The following DSCAM variants were observed in gnomAD, a reference collection of about 807,000 sequenced individuals.
The protein encoded by DSCAM is DS cell adhesion molecule, also known as cell adhesion molecule DSCAM.
A neutral mutation model predicts 217.7 loss-of-function variants in DSCAM; 47 were observed. The ratio of observed to expected loss-of-function variants is 0.22; its 90% CI spans 0.17 to 0.28. The LOEUF is 0.28. DSCAM is among the 10% of genes least tolerant of loss of function. The pLI is 1.00. For synonymous variants in DSCAM, 1,056 were observed against 1,015.3 expected, an observed-to-expected ratio of 1.04 and a Z score of -0.76; for missense variants, 2,080 against 2,618.3, an observed-to-expected ratio of 0.79 and a Z score of 4.49.
intron 3 of DSCAM, among the ~76,000 whole-genome samples, chr21:40,431,134 G>A (rs1357751552): frequency 6.6e-6 from 1 of 152,200 alleles, no homozygotes; most frequent in Admixed American, 6.5e-5. Context: ...ATTTAAAAGG[G>A]CTGATGTTAT....
At chr21:40,333,970 G>A (rs1383328420) in intron 8 of DSCAM, among the ~76,000 whole-genome samples, 1 of 152,196 alleles carries the variant, frequency 6.6e-6, no homozygotes, top group Non-Finnish European at 1.5e-5. Flanking sequence ...ATGGATCTGT[G>A]CCAATCTGGG....
chr21:40,096,704 T>TA lies in DSCAM; in HGVS notation c.3697-2831dup, dbSNP rs908132182. ...CAGTGAATTCTAGCCACAAGAATAT[T>TA]AAAAAAAAAAACTGTACCAAGGAGC... On this transcript the variant is annotated intron_variant, in intron 20 of 32. Coordinates refer to ENST00000400454, the MANE Select transcript of DSCAM (RefSeq NM_001389.5). Among the ~76,000 whole-genome samples the TA allele has an allele frequency of 8.8e-3, 1,276 of 145,492 alleles. 17 individuals are homozygous for TA. Among genetic ancestry groups the TA allele is most frequent in the African/African-American group, 0.026 (1,044 of 39,938 alleles).
intron 11 of DSCAM, among the ~76,000 whole-genome samples, chr21:40,213,323 A>T (rs2091203663): frequency 6.6e-6 from 1 of 152,206 alleles, no homozygotes; most frequent in Non-Finnish European, 1.5e-5. Flanking sequence ...TGAGTGAGCC[A>T]TGGGGTGAAG....
At chr21:40,154,914 G>C (rs1417085280) in intron 16 of DSCAM, among the ~76,000 whole-genome samples, 1 of 152,232 alleles carries the variant, frequency 6.6e-6, no homozygotes, top group African/African-American at 2.4e-5. Flanking sequence ...AGGAAAGAGT[G>C]GCCAAGGTAT....
intron 8 of DSCAM, among the ~76,000 whole-genome samples, chr21:40,333,716 A>T (rs948598821): frequency 6.6e-6 from 1 of 152,208 alleles, no homozygotes; most frequent in African/African-American, 2.4e-5. Flanking sequence ...GTAAAGGCTA[A>T]GATTGCGAAT....
intron 3 of DSCAM, among the ~76,000 whole-genome samples, chr21:40,535,924 C>A (rs1055100986): frequency 2.6e-5 from 4 of 152,136 alleles, no homozygotes; most frequent in African/African-American, 9.7e-5. Flanking sequence ...GAAAAAAACA[C>A]CTACTTGGTT....
intron 3 of DSCAM, among the ~76,000 whole-genome samples, chr21:40,528,548 T>C (rs1444262971): frequency 6.6e-6 from 1 of 152,222 alleles, no homozygotes; most frequent in Non-Finnish European, 1.5e-5. Flanking sequence ...AAGAATTTCT[T>C]CTACTTCAAT....
chr21:40,411,952 T>C (rs899643548), intron 3 of DSCAM, among the ~76,000 whole-genome samples: 9 of 152,168 alleles, frequency 5.9e-5, no homozygotes, highest in African/African-American at 2.2e-4. Flanking sequence ...GGGAGTTGTT[T>C]GGGTTATGGA....
chr21:40,374,937 C>T (rs1452707360), intron 3 of DSCAM, among the ~76,000 whole-genome samples: 2 of 152,100 alleles, frequency 1.3e-5, no homozygotes, highest in African/African-American at 4.8e-5. Flanking sequence ...GTGATAGTAG[C>T]CCAAGCTGAC....
chr21:40,101,902 G>C (rs983258116), intron 20 of DSCAM, among the ~76,000 whole-genome samples: 24 of 152,034 alleles, frequency 1.6e-4, no homozygotes, highest in African/African-American at 5.6e-4. Flanking sequence ...TTGGACTATC[G>C]TTCTCTCCTT....
intron 10 of DSCAM, among the ~76,000 whole-genome samples, chr21:40,295,048 T>C (rs2073938837): frequency 6.6e-6 from 1 of 152,186 alleles, no homozygotes; most frequent in Admixed American, 6.5e-5. Flanking sequence ...CCTTTGGTCA[T>C]TGTTGCTTCC....
chr21:40,826,570 C>G (rs978020454), intron 1 of DSCAM, among the ~76,000 whole-genome samples: 1 of 152,132 alleles, frequency 6.6e-6, no homozygotes, highest in African/African-American at 2.4e-5. Context: ...AAAAGGAGAA[C>G]GCAGCTTGAA....
chr21:40,102,221 T>C (rs528296830), intron 20 of DSCAM, among the ~76,000 whole-genome samples: 8 of 152,294 alleles, frequency 5.3e-5, no homozygotes, highest in African/African-American at 1.7e-4. Flanking sequence ...ATTTATAAGA[T>C]GCCTAAAAAA....
In DSCAM at chr21:40,731,799, G is replaced by T. The variant is rs565929667; in HGVS notation, c.44-23028C>A. On this transcript the variant is annotated intron_variant, in intron 1 of 32. Coordinates refer to ENST00000400454, the MANE Select transcript of DSCAM (RefSeq NM_001389.5). ...GCTGGAGTGCAATGGTGCGATCTCAGCTCACTGCAACCTCTGCCTCCCGGG... is the reference window on the plus strand; with the variant it reads ...GCTGGAGTGCAATGGTGCGATCTCATCTCACTGCAACCTCTGCCTCCCGGG... Among the ~76,000 whole-genome samples the T allele has an allele frequency of 6.7e-5, 9 of 134,138 alleles. No homozygotes were observed. In the South Asian group the frequency reaches 2.1e-3, roughly 32 times the overall value. 88.0% of individuals were successfully genotyped at this position (134,138 alleles called of 152,430 possible).
In DSCAM at chr21:40,144,869, C is replaced by A. The variant is rs2090336507; in HGVS notation, c.3019-138G>T. On this transcript the variant is annotated intron_variant, in intron 16 of 32. Coordinates refer to ENST00000400454, the MANE Select transcript of DSCAM (RefSeq NM_001389.5). This position sits in a 1 kb window ranked among gnomAD's most constrained non-coding sequence, Gnocchi z 4.8. Reference sequence around the variant, plus strand: ...GCTGGGGCGGTGGTCCGGTAGCAGCCGCAAACCCACGTACAGTGCAACTTG... The same window carrying A: ...GCTGGGGCGGTGGTCCGGTAGCAGCAGCAAACCCACGTACAGTGCAACTTG... 1.6e-6 allele frequency: 2 copies of A among 1,223,214 alleles called. No individual in the cohort carries two copies. Among genetic ancestry groups the A allele is most frequent in the Non-Finnish European group, 1.1e-6 (1 of 879,400 alleles). The allele number at this position is 1,223,214 out of a possible 1,614,324, so 75.8% of individuals were successfully genotyped here.
chr21:40,108,821 A>C (rs953027640), intron 20 of DSCAM, among the ~76,000 whole-genome samples: 1 of 152,184 alleles, frequency 6.6e-6, no homozygotes, highest in Non-Finnish European at 1.5e-5. Flanking sequence ...AATGGAACAG[A>C]ATAAAGAACC....
intron 3 of DSCAM, among the ~76,000 whole-genome samples, chr21:40,454,283 G>A (rs779689344): frequency 5.9e-5 from 9 of 152,148 alleles, no homozygotes; most frequent in Non-Finnish European, 1.2e-4. Context: ...TCACGTGTTC[G>A]TATGTGGCTT....
intron 20 of DSCAM, among the ~76,000 whole-genome samples, chr21:40,103,728 C>G (rs2089782775): frequency 6.6e-6 from 1 of 150,766 alleles, no homozygotes; most frequent in South Asian, 2.1e-4. Context: ...ATGTATATAA[C>G]TATATACATA....
chr21:40,816,531 G>A (rs1439027468), intron 1 of DSCAM, among the ~76,000 whole-genome samples: 1 of 152,142 alleles, frequency 6.6e-6, no homozygotes, highest in Non-Finnish European at 1.5e-5. Flanking sequence ...AGCCGAGATT[G>A]CACCACTGCA....
Sources: gnomAD v4.1 joint callset for allele counts (sites outside exome capture counted in the v4.1 genomes callset) on GRCh38, gnomAD v4.1.1 for gene constraint, Gnocchi (gnomAD v3.1) non-coding constraint, MANE v1.5 for transcripts, NCBI Gene and HGNC (gene_info 2026-07-23, HGNC 2026-07-21) for gene names.